Variants in TEAD4 observed in about 807,000 individuals in gnomAD.
TEAD4 encodes transcriptional enhancer factor TEF-3.
TEAD4 carries 36 observed loss-of-function variants against 52.4 expected under a neutral mutation model. That is an observed-to-expected ratio of 0.69 (90% confidence interval 0.53 to 0.91). TEAD4 has a LOEUF of 0.91. Ranked by LOEUF, TEAD4 falls within the 40% of genes least tolerant of loss-of-function variation. TEAD4 has a pLI of 0.00. For synonymous variants in TEAD4, 220 were observed against 231.0 expected (o/e 0.95, Z 0.43); for missense variants, 508 against 583.9 (o/e 0.87, Z 1.34).
chr12:2,982,726 C>T (rs561348822), intron 2 of TEAD4, among the ~76,000 whole-genome samples: 12 of 152,342 alleles, frequency 7.9e-5, no homozygotes, highest in South Asian at 2.1e-4. Flanking sequence ...GTAACAAACC[C>T]TGTGGCCCAG....
chr12:2,963,733 G>A (rs1423009604), intron 2 of TEAD4, among the ~76,000 whole-genome samples: 8 of 152,226 alleles, frequency 5.3e-5, no homozygotes, highest in Non-Finnish European at 1.0e-4. Flanking sequence ...CTTAGCTGGT[G>A]GGGACTGGAT....
Position 2,994,109 on chromosome 12 carries a change from C to G in TEAD4, c.-29-629C>G, listed in dbSNP as rs2098245284. Among the ~76,000 whole-genome samples the G allele has an allele frequency of 6.6e-6, 1 of 152,188 alleles. No homozygotes were observed. The highest frequency in any genetic ancestry group is 2.1e-4 in the South Asian group (1 of 4,830). On this transcript the variant is annotated intron_variant, in intron 2 of 12. Coordinates refer to ENST00000359864, the MANE Select transcript of TEAD4 (RefSeq NM_003213.4). The surrounding 1 kb of genome is among the most constrained non-coding windows in gnomAD (Gnocchi z 4.7). ...AGGTATTGGGTCATATGGTCTTGCT[C>G]TGTCACCCAGGCTGGAGTGTAGTGG... is the stretch of plus-strand genomic sequence containing the variant.
intron 3 of TEAD4, among the ~76,000 whole-genome samples, chr12:3,009,891 T>TGGGG (rs1277706241): frequency 6.6e-6 from 1 of 152,226 alleles, no homozygotes; most frequent in Non-Finnish European, 1.5e-5. Context: ...AAAGGTCAGC[T>TGGGG]GGGGGGTCAG....
intron 2 of TEAD4, among the ~76,000 whole-genome samples, chr12:2,985,814 G>A (rs1222732131): frequency 1.3e-5 from 2 of 152,172 alleles, no homozygotes; most frequent in Non-Finnish European, 2.9e-5. Context: ...AGCCGGGCGT[G>A]GTGGCTCACG....
At chr12:3,024,836 AT>A (rs879289047) in intron 10 of TEAD4, among the ~76,000 whole-genome samples, 12 of 152,096 alleles carry the variant, frequency 7.9e-5, no homozygotes, top group East Asian at 1.9e-4. Flanking sequence ...TAAAATTAAA[AT>A]TTTTTTCCCC....
In TEAD4 at chr12:2,959,716, CCCT is replaced by C. The variant is rs1157341721; in HGVS notation, c.-122-227_-122-225del. On this transcript the variant is annotated intron_variant, in intron 1 of 12. Transcript: ENST00000359864. The surrounding 1 kb of genome is among the most constrained non-coding windows in gnomAD (Gnocchi z 5.1). ...CTTCCCTCCTGTCCGCCCCGCGCTC[CCCT>C]CCTCGCTCCCGGTTGACTCACTCCT... 2 of 151,718 alleles carry C rather than the reference CCCT, an allele frequency of 1.3e-5. No individual in the cohort carries two copies. Among genetic ancestry groups the C allele is most frequent in the Admixed American group, 1.3e-4 (2 of 15,172 alleles). 9.4% of individuals were successfully genotyped at this position (151,718 alleles called of 1,614,324 possible).
chr12:2,996,509 A>G (rs1249612829), intron 3 of TEAD4, among the ~76,000 whole-genome samples: 1 of 151,240 alleles, frequency 6.6e-6, no homozygotes, highest in Non-Finnish European at 1.5e-5. Context: ...TCCCGGGTTC[A>G]AGCGATTCTC....
chr12:3,030,867 C>T (rs193257360), intron 10 of TEAD4, among the ~76,000 whole-genome samples: 4 of 152,240 alleles, frequency 2.6e-5, no homozygotes, highest in African/African-American at 9.6e-5. Flanking sequence ...TTTGTTAGCC[C>T]TTCTCCTTAA....
At chr12:3,019,464 C>A (rs1162866190) in intron 8 of TEAD4, among the ~76,000 whole-genome samples, 1 of 152,228 alleles carries the variant, frequency 6.6e-6, no homozygotes, top group Admixed American at 6.5e-5. Flanking sequence ...CGTGCCCTGG[C>A]GGCTGCCCCA....
intron 3 of TEAD4, among the ~76,000 whole-genome samples, chr12:2,999,435 C>T (rs2098249862): frequency 6.6e-6 from 1 of 152,226 alleles, no homozygotes; most frequent in African/African-American, 2.4e-5. Context: ...TAGGCCTGCT[C>T]CGAGCTCCGC....
At chr12:3,019,435 C>G (rs953513746) in intron 8 of TEAD4, among the ~76,000 whole-genome samples, 5 of 152,234 alleles carry the variant, frequency 3.3e-5, no homozygotes, top group African/African-American at 4.8e-5. Flanking sequence ...GGGGCACGTG[C>G]AGTTCCAAGG....
intron 2 of TEAD4, among the ~76,000 whole-genome samples, chr12:2,966,314 C>T (rs114807545): frequency 0.022 from 3,302 of 152,152 alleles, 116 homozygotes; most frequent in African/African-American, 0.07. Flanking sequence ...CGTGATGTGC[C>T]GCAGGGCTGT....
intron 2 of TEAD4, among the ~76,000 whole-genome samples, chr12:2,966,935 G>A (rs755460288): frequency 3.3e-5 from 5 of 152,052 alleles, no homozygotes; most frequent in African/African-American, 9.7e-5. Context: ...TTGAACTCCC[G>A]ACCTCAGGCG....
intron 3 of TEAD4, among the ~76,000 whole-genome samples, chr12:3,010,260 G>A (rs1489008776): frequency 6.6e-6 from 1 of 152,226 alleles, no homozygotes; most frequent in African/African-American, 2.4e-5. Flanking sequence ...GTAATGCTTT[G>A]AAATAAGGAA....
rs775449465 is a variant in TEAD4, at chr12:3,020,739, C to G, written c.689C>G (p.Ser230Cys). Residue 230 changes from serine (S) to cysteine (C), a missense_variant, in exon 9 of 13, where the codon TCT becomes TGT. Coordinates refer to ENST00000359864, the MANE Select transcript of TEAD4 (RefSeq NM_003213.4). The stretch of plus-strand genomic sequence containing the variant: ...TCCAAGCTCTGGATGTTGGAGTTCT[C>G]TGCCTTCCTGGAGCAGCAGCAGGAC... The G allele has an allele frequency of 1.6e-5, 25 of 1,608,268 alleles. No individual in the cohort carries two copies. The South Asian group carries it at 2.8e-4, about 18-fold the overall frequency.
intron 9 of TEAD4, 93 bp from the exon 10 acceptor site, chr12:3,021,751 G>A (rs2098268848): frequency 3.6e-6 from 5 of 1,390,404 alleles, no homozygotes; most frequent in Non-Finnish European, 4.9e-6. Flanking sequence ...CAAGCGGCTT[G>A]CACCAGGTCA....
chr12:2,976,240 G>A (rs1206331180), intron 2 of TEAD4, among the ~76,000 whole-genome samples: 1 of 151,820 alleles, frequency 6.6e-6, no homozygotes, highest in East Asian at 1.9e-4. Context: ...TTGAATTCCT[G>A]ACCTCAGATG....
At chr12:2,999,578 C>G (rs1042995703) in intron 3 of TEAD4, among the ~76,000 whole-genome samples, 1 of 152,204 alleles carries the variant, frequency 6.6e-6, no homozygotes, top group African/African-American at 2.4e-5. Flanking sequence ...CCAGCCCTCC[C>G]CTTGAGCACC....
chr12:2,991,676 G>T (rs575343068), intron 2 of TEAD4, among the ~76,000 whole-genome samples: 31 of 151,252 alleles, frequency 2.0e-4, no homozygotes, highest in African/African-American at 7.3e-4. Context: ...CAAAAAAAAA[G>T]AAGTTTGTTT....
Sources: allele counts gnomAD v4.1 joint callset (sites outside exome capture counted in the v4.1 genomes callset), GRCh38; gene constraint gnomAD v4.1.1; non-coding constraint Gnocchi (gnomAD v3.1); transcripts MANE v1.5; gene names NCBI Gene and HGNC (gene_info 2026-07-23, HGNC 2026-07-21).